The following FRMD7 variants were observed in gnomAD, a reference collection of about 807,000 sequenced individuals.
FRMD7 encodes the protein FERM domain-containing protein 7.
In FRMD7, 14 loss-of-function variants were observed where a neutral mutation model predicts 44.1. The ratio of observed to expected loss-of-function variants is 0.32; its 90% CI spans 0.21 to 0.50. FRMD7 has a LOEUF of 0.50. Ranked by LOEUF, FRMD7 falls within the 20% of genes least tolerant of loss-of-function variation. FRMD7 has a pLI of 0.99. For synonymous variants in FRMD7, 212 were observed against 187.4 expected, an observed-to-expected ratio of 1.13 and a Z score of -1.07; for missense variants, 501 against 522.3, an observed-to-expected ratio of 0.96 and a Z score of 0.40.
Position 132,077,998 on chromosome X carries a change from G to T in FRMD7, c.2019C>A (p.Pro673=), listed in dbSNP as rs758837654. 2.5e-6 allele frequency: 3 copies of T among 1,208,702 alleles called. No individual in the cohort carries two copies. Among genetic ancestry groups the T allele is most frequent in the Non-Finnish European group, 3.4e-6 (3 of 894,258 alleles). ...CAGAAGACAGGCGGATTCTGGCCAT[G>T]GGTGACCTTATTTCTTTGCCATACA... is the stretch of plus-strand genomic sequence containing the variant. ...YALYGKEIRS[P]MARIRLSSGS... is the part of the protein sequence containing the mutation. Residue 673 remains proline, a synonymous_variant, in exon 12 of 12, where the codon CCC becomes CCA. Coordinates refer to ENST00000298542, the MANE Select transcript of FRMD7 (RefSeq NM_194277.3).
At position 132,084,758 on chromosome X, in the gene FRMD7, G is replaced by A. The variant is rs184868527; in HGVS notation, c.646-173C>T. On this transcript the variant is annotated intron_variant, in intron 7 of 11. Transcript: ENST00000298542. ...GCTGTGGTCAAAGAAGGCATTTCAG[G>A]TGGGATACAAGGATGCTCTGGAATG... 7.3e-4 allele frequency among the ~76,000 whole-genome samples: 82 copies of A among 111,652 alleles called. 1 individual carries two copies. In the East Asian group the frequency reaches 0.011, roughly 15 times the overall value.
intron 9 of FRMD7, among the ~76,000 whole-genome samples, chrX:132,081,352 A>AAAC (rs1417881816): frequency 5.0e-5 from 5 of 100,359 alleles, no homozygotes; most frequent in Non-Finnish European, 8.2e-5. Flanking sequence ...AAAACAAAAC[A>AAAC]AACAACAACA....
chrX:132,085,923 T>C lies in FRMD7; in HGVS notation c.494A>G (p.His165Arg), dbSNP rs1422414561. 1 of 1,177,893 alleles carries C rather than the reference T, an allele frequency of 8.5e-7. No individual in the cohort carries two copies. Among genetic ancestry groups the C allele is most frequent in the East Asian group, 3.0e-5 (1 of 33,732 alleles). Residue 165 changes from histidine to arginine, a missense_variant, in exon 6 of 12, where the codon CAC becomes CGC. This residue lies in a region of FRMD7 where 453 missense variants were observed against 452.7 expected (regional missense o/e 1.00). Transcript: ENST00000298542. ...GGTGCCAGCTGAAAGTACTTACATG[T>C]GCTTCTGATGAAAGTGCATGATCTT... is the stretch of plus-strand genomic sequence containing the variant. Reference protein sequence around the residue: ...EGKIMHFHQKHIGRSPAESDI... With the variant: ...EGKIMHFHQKRIGRSPAESDI...
intron 1 of FRMD7, among the ~76,000 whole-genome samples, chrX:132,107,825 A>T (rs944029635): frequency 6.3e-5 from 7 of 111,873 alleles, no homozygotes; most frequent in Non-Finnish European, 1.1e-4. Flanking sequence ...TTGATGGTCC[A>T]CTTTTGTTAC....
intron 1 of FRMD7, among the ~76,000 whole-genome samples, chrX:132,115,617 G>A (rs1392910105): frequency 8.9e-6 from 1 of 111,897 alleles, no homozygotes; most frequent in Non-Finnish European, 1.9e-5. Context: ...CTTAAAATTA[G>A]TTGTACACTC....
chrX:132,118,260 G>A (rs1376530370), intron 1 of FRMD7, among the ~76,000 whole-genome samples: 2 of 110,976 alleles, frequency 1.8e-5, no homozygotes, highest in African/African-American at 3.3e-5. Context: ...GCTGAACCTT[G>A]ATTTCTTTAT....
chrX:132,082,248 T>C, intron 9 of FRMD7, 115 bp downstream of exon 9: 1 of 650,904 alleles, frequency 1.5e-6, no homozygotes, highest in East Asian at 3.2e-5. Context: ...GTGCAATCTT[T>C]GATGTGATTG....
intron 1 of FRMD7, among the ~76,000 whole-genome samples, chrX:132,117,170 T>A (rs1008451809): frequency 8.9e-6 from 1 of 112,080 alleles, no homozygotes; most frequent in Non-Finnish European, 1.9e-5. Context: ...CCATTACTAT[T>A]TAGGTTGGAA....
At chrX:132,123,905 T>C (rs761577292) in intron 1 of FRMD7, among the ~76,000 whole-genome samples, 21 of 112,426 alleles carry the variant, frequency 1.9e-4, no homozygotes, top group Middle Eastern at 4.2e-3. Flanking sequence ...TAACAGCTTT[T>C]ACAAAGACAG....
rs767395087 is a variant in FRMD7 at position 132,078,053 on chromosome X, G to A, written c.1964C>T (p.Ser655Leu). 2 of 1,211,108 alleles carry A rather than the reference G, an allele frequency of 1.7e-6. No homozygotes were observed. The highest frequency in any genetic ancestry group is 2.2e-5 in the Admixed American group (1 of 46,004). ...YVASESSDSE[S>L]EILKPDYYAL... ...ATAGTAGTCTGGTTTAAGAATCTCT[G>A]ATTCAGAATCACTGGATTCACTAGC... Residue 655 changes from serine (S) to leucine (L), a missense_variant, in exon 12 of 12, where the codon TCA (serine) becomes TTA (leucine). This residue lies in a region of FRMD7 where 453 missense variants were observed against 452.7 expected (regional missense o/e 1.00). Transcript: ENST00000298542.
intron 8 of FRMD7, among the ~76,000 whole-genome samples, chrX:132,082,827 T>G (rs1927862088): frequency 8.9e-6 from 1 of 112,716 alleles, no homozygotes; most frequent in Admixed American, 9.4e-5. Flanking sequence ...TGAAGTAAAT[T>G]AGATTAAAAT....
At chrX:132,100,762 G>T in intron 1 of FRMD7, 46 bp from the exon 2 acceptor site, 1 of 887,132 alleles carries the variant, frequency 1.1e-6, no homozygotes, top group Non-Finnish European at 1.7e-6. Flanking sequence ...TTCCTAACCT[G>T]ATACTGCAGC....
intron 1 of FRMD7, among the ~76,000 whole-genome samples, chrX:132,107,385 G>A (rs756732370): frequency 9.0e-6 from 1 of 111,483 alleles, no homozygotes; most frequent in Admixed American, 9.6e-5. Context: ...TGACTTTATG[G>A]TTATGCCTCA....
At position 132,078,425 on chromosome X, in the gene FRMD7, G is replaced by T. The variant is rs1484388139; in HGVS notation, c.1592C>A (p.Ala531Asp). Residue 531 changes from alanine (A) to aspartate (D), a missense_variant, in exon 12 of 12, where the codon GCT (alanine) becomes GAT (aspartate). Ala to Asp is a moderately radical substitution (Grantham distance 126). This residue lies in a region of FRMD7 where 453 missense variants were observed against 452.7 expected (regional missense o/e 1.00). Transcript: ENST00000298542. Reference protein sequence around the residue: ...SYVEPTAMKPAERSPRNIRMK... With the variant: ...SYVEPTAMKPDERSPRNIRMK... ...TCTGATATTCCTTGGGCTTCTTTCA[G>T]CTGGCTTCATTGCAGTGGGCTCTAC... 8.3e-7 allele frequency: 1 copy of T among 1,209,638 alleles called. No individual in the cohort carries two copies. The highest frequency in any genetic ancestry group is 1.1e-6 in the Non-Finnish European group (1 of 895,081).
At position 132,100,530 on chromosome X, in the gene FRMD7, A is replaced by G. The variant is rs764747904; in HGVS notation, c.162+82T>C. 1.2e-5 allele frequency: 8 copies of G among 645,272 alleles called. No individual in the cohort carries two copies. In the African/African-American group the frequency reaches 1.5e-4, roughly 12 times the overall value. 53.2% of individuals were successfully genotyped at this position (645,272 alleles called of 1,213,427 possible). ...ATAGTTTTTCATTTTTCAATCAGGG[A>G]ATTGAACCCTACATACCTAGCTGCA... On this transcript the variant is annotated intron_variant, in intron 2 of 11. Transcript: ENST00000298542.
intron 1 of FRMD7, among the ~76,000 whole-genome samples, chrX:132,119,763 G>A (rs192056740): frequency 6.3e-5 from 7 of 111,391 alleles, no homozygotes; most frequent in African/African-American, 2.3e-4. Context: ...TCCTCGGAAC[G>A]CCTATCACCT....
At chrX:132,105,984 C>T (rs769207004) in intron 1 of FRMD7, among the ~76,000 whole-genome samples, 5 of 111,649 alleles carry the variant, frequency 4.5e-5, no homozygotes, top group Non-Finnish European at 9.4e-5. Flanking sequence ...CAAAAACAAT[C>T]GCAACAAAAG....
At chrX:132,085,778 T>G (rs776188496) in intron 6 of FRMD7, 50 bp from the exon 7 acceptor site, 2 of 1,147,473 alleles carry the variant, frequency 1.7e-6, no homozygotes, top group South Asian at 1.8e-5. Flanking sequence ...AAGAATGACA[T>G]TTCCACCCTG....
chrX:132,080,568 C>T (rs752774645), intron 9 of FRMD7, among the ~76,000 whole-genome samples: 1 of 111,958 alleles, frequency 8.9e-6, no homozygotes, highest in Admixed American at 9.4e-5. Context: ...AATCCCAGCC[C>T]TTTGGGAGGC....
Sources: gnomAD v4.1 joint callset for allele counts (sites outside exome capture counted in the v4.1 genomes callset) on GRCh38, gnomAD v4.1.1 for gene constraint, gnomAD v4.1.1 regional missense constraint, MANE v1.5 for transcripts, NCBI Gene and HGNC (gene_info 2026-07-23, HGNC 2026-07-21) for gene names.